ECT2L: variants seen among roughly 807,000 people sequenced by gnomAD.
ECT2L encodes the protein epithelial cell transforming 2 like, also known as epithelial cell-transforming sequence 2 oncogene-like.
Under a neutral mutation model 122.8 loss-of-function variants are expected in ECT2L, and 126 were observed. The ratio of observed to expected loss-of-function variants is 1.03; its 90% CI spans 0.89 to 1.19. The LOEUF (loss-of-function observed/expected upper bound fraction) is 1.19, where lower values mean the gene tolerates loss of function less well. Among genes scored for constraint, ECT2L ranks in the 50% most tolerant of loss-of-function variants. ECT2L has a pLI of 0.00. For synonymous variants in ECT2L, 385 were observed against 381.8 expected (o/e 1.01, Z -0.10); for missense variants, 1,012 against 1,064.1 (o/e 0.95, Z 0.68).
chr6:138,902,178 T>C (rs1334898524), intron 21 of ECT2L, among the ~76,000 whole-genome samples: 1 of 152,240 alleles, frequency 6.6e-6, no homozygotes, highest in Non-Finnish European at 1.5e-5. Flanking sequence ...AGCATCTTTA[T>C]TTATAATAAC....
At chr6:138,892,978 G>A (rs1200753118) in intron 20 of ECT2L, among the ~76,000 whole-genome samples, 2 of 152,032 alleles carry the variant, frequency 1.3e-5, no homozygotes, top group Non-Finnish European at 2.9e-5. Context: ...TATCATCTTT[G>A]GGTTTCCTTA....
At chr6:138,802,555 C>G (rs1775579477) in intron 1 of ECT2L, among the ~76,000 whole-genome samples, 1 of 152,134 alleles carries the variant, frequency 6.6e-6, no homozygotes, top group Non-Finnish European at 1.5e-5. Flanking sequence ...ATTAAAACAT[C>G]CAAAACATCC....
intron 4 of ECT2L, among the ~76,000 whole-genome samples, chr6:138,833,008 T>C (rs1016281369): frequency 2.6e-5 from 4 of 152,056 alleles, no homozygotes; most frequent in Admixed American, 2.0e-4. Flanking sequence ...CAGGCACATC[T>C]TACCTGGCGG....
At chr6:138,800,223 T>G (rs1037671562) in intron 1 of ECT2L, among the ~76,000 whole-genome samples, 1 of 152,216 alleles carries the variant, frequency 6.6e-6, no homozygotes, top group African/African-American at 2.4e-5. Context: ...AGTAAAAAGC[T>G]GGGCTGTGAG....
chr6:138,837,617 A>G (rs1776883805), intron 4 of ECT2L, among the ~76,000 whole-genome samples: 1 of 148,126 alleles, frequency 6.8e-6, no homozygotes, highest in African/African-American at 2.5e-5. Flanking sequence ...AGGAAAAATA[A>G]GTTTCTTCTA....
chr6:138,870,967 G>C (rs986203787), intron 13 of ECT2L, among the ~76,000 whole-genome samples: 1 of 152,022 alleles, frequency 6.6e-6, no homozygotes, highest in East Asian at 1.9e-4. Flanking sequence ...GCTTGAACCC[G>C]GGGAGGTTCA....
At chr6:138,864,295 C>A (rs980491888) in intron 11 of ECT2L, among the ~76,000 whole-genome samples, 1 of 152,154 alleles carries the variant, frequency 6.6e-6, no homozygotes, top group Non-Finnish European at 1.5e-5. Context: ...ATACTCCAGA[C>A]TGGGTGACAG....
intron 13 of ECT2L, among the ~76,000 whole-genome samples, chr6:138,873,872 C>CTGTGTGTGTGTGTGTGTGTG (rs57839466): frequency 4.1e-4 from 29 of 71,362 alleles, no homozygotes; most frequent in African/African-American, 1.2e-3. Flanking sequence ...AAATCCAGGA[C>CTGTGTGTGTGTGTGTGTGTG]TGTGTGTGTG....
Position 138,884,829 on chromosome 6 carries a change from A to C in ECT2L, c.2029-677A>C, listed in dbSNP as rs1366837951. 3.9e-5 allele frequency among the ~76,000 whole-genome samples: 6 copies of C among 152,100 alleles called. 1 individual carries two copies. In the Middle Eastern group the frequency reaches 0.01, roughly 259 times the overall value. ...TAGGATTGTTTTTTTTCCACACCAC[A>C]ACATTAGAGATGATATCCATGTTAC... is the stretch of plus-strand genomic sequence containing the variant. On this transcript the variant is annotated intron_variant, in intron 16 of 21. Coordinates refer to ENST00000541398, the MANE Select transcript of ECT2L (RefSeq NM_001077706.3).
intron 8 of ECT2L, among the ~76,000 whole-genome samples, chr6:138,847,515 C>T (rs1397745023): frequency 2.9e-4 from 43 of 148,766 alleles, no homozygotes; most frequent in Non-Finnish European, 2.2e-4. Context: ...GGACTACAGG[C>T]GCCCGCCACC....
intron 1 of ECT2L, among the ~76,000 whole-genome samples, chr6:138,803,870 C>G (rs1196939564): frequency 6.6e-6 from 1 of 152,190 alleles, no homozygotes; most frequent in African/African-American, 2.4e-5. Flanking sequence ...GTAATAAGAG[C>G]AGAGGCACTG....
intron 10 of ECT2L, 100 bp from the exon 11 acceptor site, chr6:138,862,527 G>C: frequency 8.4e-7 from 1 of 1,188,848 alleles, no homozygotes; most frequent in South Asian, 1.3e-5. Context: ...TTGGGGATTA[G>C]ATTTCAACAT....
intron 4 of ECT2L, among the ~76,000 whole-genome samples, chr6:138,834,935 A>ACTCTCT (rs1554271415): frequency 0.1 from 14,829 of 142,592 alleles, 1,016 homozygotes; most frequent in South Asian, 0.28. Context: ...ACACACACAC[A>ACTCTCT]CTCTCATTCT....
chr6:138,845,066 T>C (rs1366021009), intron 7 of ECT2L, among the ~76,000 whole-genome samples: 1 of 152,178 alleles, frequency 6.6e-6, no homozygotes, highest in African/African-American at 2.4e-5. Flanking sequence ...CAAATATAAC[T>C]TCCACTTATA....
chr6:138,887,717 C>A (rs558092760), intron 19 of ECT2L, among the ~76,000 whole-genome samples: 1 of 152,216 alleles, frequency 6.6e-6, no homozygotes, highest in Non-Finnish European at 1.5e-5. Flanking sequence ...GATCCACTCA[C>A]GATTCTCTAA....
At chr6:138,901,196 A>T in intron 21 of ECT2L, 76 bp downstream of exon 21, 1 of 1,413,012 alleles carries the variant, frequency 7.1e-7, no homozygotes. Flanking sequence ...ACAGAACAGT[A>T]GAAAAAGGAC....
chr6:138,820,818 T>G (rs1321672054), intron 4 of ECT2L, among the ~76,000 whole-genome samples: 1 of 152,224 alleles, frequency 6.6e-6, no homozygotes, highest in African/African-American at 2.4e-5. Context: ...TTCAGTGCTT[T>G]GAATTTGATG....
chr6:138,822,268 G>C (rs1232675572), intron 4 of ECT2L, among the ~76,000 whole-genome samples: 2 of 152,232 alleles, frequency 1.3e-5, no homozygotes, highest in African/African-American at 4.8e-5. Flanking sequence ...CATGGGGAAG[G>C]AGGCCGGGCG....
chr6:138,888,317 CTTTT>C (rs71270363), intron 19 of ECT2L, among the ~76,000 whole-genome samples: 28 of 128,642 alleles, frequency 2.2e-4, no homozygotes, highest in African/African-American at 5.8e-4. Context: ...TTTTTCTTTT[CTTTT>C]TTTTTTTTTT....
Sources: allele counts gnomAD v4.1 joint callset (sites outside exome capture counted in the v4.1 genomes callset), GRCh38; gene constraint gnomAD v4.1.1; transcripts MANE v1.5; gene names NCBI Gene and HGNC (gene_info 2026-07-23, HGNC 2026-07-21).